Variants in DLGAP1 observed in about 807,000 individuals in gnomAD.
The protein encoded by DLGAP1 is disks large-associated protein 1.
DLGAP1 carries 11 observed loss-of-function variants against 90.8 expected under a neutral mutation model. The observed-to-expected ratio is 0.12, with a 90% CI of 0.08 to 0.20. The LOEUF (loss-of-function observed/expected upper bound fraction) is 0.20. Ranked by LOEUF, DLGAP1 falls within the 10% of genes least tolerant of loss-of-function variation. DLGAP1 has a pLI of 1.00. For missense variants in DLGAP1, 1,050 were observed against 1,333.8 expected (o/e 0.79, Z 3.31); for synonymous variants, 558 against 540.7 (o/e 1.03, Z -0.44).
Position 3,502,097 on chromosome 18 carries a change from T to C in DLGAP1, c.2724+396A>G, listed in dbSNP as rs7241397. On this transcript the variant is annotated intron_variant, in intron 12 of 12. Transcript: ENST00000315677. ...CAGTTATTTTTCAGGGCATCCTATT[T>C]TTCTTGAAAACACATCCTAGGGGTG... The C allele has an allele frequency of 2.4e-3, 2,371 of 990,302 alleles. 48 individuals are homozygous for C. The African/African-American group carries it at 0.038, about 16-fold the overall frequency. The allele number at this position is 990,302 out of a possible 1,614,324, so 61.3% of individuals were successfully genotyped here. A position where few individuals can be genotyped will look rare whatever the true frequency, so the allele number is the denominator to read the frequency against.
chr18:3,601,893 C>T (rs2057052472), intron 7 of DLGAP1, among the ~76,000 whole-genome samples: 1 of 149,396 alleles, frequency 6.7e-6, no homozygotes, highest in Non-Finnish European at 1.5e-5. Flanking sequence ...CCTGTAATCC[C>T]AGCTACTCAG....
At chr18:3,782,397 A>G (rs1461627571) in intron 5 of DLGAP1, among the ~76,000 whole-genome samples, 1 of 152,210 alleles carries the variant, frequency 6.6e-6, no homozygotes, top group Non-Finnish European at 1.5e-5. Flanking sequence ...TTGGCCTCCC[A>G]AAGTGTTGGG....
chr18:3,637,099 T>C (rs1599661092), intron 7 of DLGAP1, among the ~76,000 whole-genome samples: 2 of 152,080 alleles, frequency 1.3e-5, no homozygotes. Context: ...AACTGAACTA[T>C]CACAAAATGA....
intron 3 of DLGAP1, chr18:3,993,264 G>T (rs2074004372): frequency 6.6e-6 from 1 of 152,018 alleles, no homozygotes; most frequent in South Asian, 2.1e-4. Flanking sequence ...GGATAAGACA[G>T]GCTTCTTTTG....
chr18:4,006,470 GTTGT>G (rs1446427685), intron 2 of DLGAP1, among the ~76,000 whole-genome samples: 2 of 152,074 alleles, frequency 1.3e-5, no homozygotes, highest in Admixed American at 1.3e-4. Context: ...CGAGTATAAA[GTTGT>G]TTGTTTCTTG....
chr18:4,015,818 C>CAT (rs1168509738), intron 2 of DLGAP1, among the ~76,000 whole-genome samples: 1 of 152,174 alleles, frequency 6.6e-6, no homozygotes, highest in African/African-American at 2.4e-5. Flanking sequence ...TAACAAAAAT[C>CAT]ATACAATGAT....
intron 1 of DLGAP1, among the ~76,000 whole-genome samples, chr18:4,405,704 T>G (rs1598368083): frequency 6.6e-6 from 1 of 152,128 alleles, no homozygotes; most frequent in African/African-American, 2.4e-5. Flanking sequence ...ACTTATCTTG[T>G]GCGCTTAGAA....
Position 4,281,501 on chromosome 18 carries a change from C to T in DLGAP1, c.-266-130214G>A, listed in dbSNP as rs116010976. Among the ~76,000 whole-genome samples the T allele has an allele frequency of 5.4e-3, 824 of 152,228 alleles. 5 individuals carry two copies. Among genetic ancestry groups the T allele is most frequent in the African/African-American group, 0.018 (764 of 41,556 alleles). On this transcript the variant is annotated intron_variant, in intron 1 of 12. Transcript: ENST00000315677. ...CCCAGGAGGCAGAGGTTGCAGTGAA[C>T]GGAGATTGCGCTACTGCACTGCAAC...
chr18:3,598,978 T>G (rs1368854199), intron 7 of DLGAP1, among the ~76,000 whole-genome samples: 1 of 151,784 alleles, frequency 6.6e-6, no homozygotes, highest in Non-Finnish European at 1.5e-5. Flanking sequence ...TTCACCATGT[T>G]GGCCAGGCTG....
chr18:4,321,785 G>T (rs1011701466), intron 1 of DLGAP1, among the ~76,000 whole-genome samples: 3 of 152,202 alleles, frequency 2.0e-5, no homozygotes, highest in Non-Finnish European at 4.4e-5. Context: ...TGAGGCAGGA[G>T]AAGTAAATTA....
In DLGAP1 at chr18:4,212,309, C is replaced by T. The variant is rs115150208; in HGVS notation, c.-266-61022G>A. Among the ~76,000 whole-genome samples, 263 of 152,094 alleles carry T rather than the reference C, an allele frequency of 1.7e-3. 2 individuals carry two copies. The highest frequency in any genetic ancestry group is 6.2e-3 in the African/African-American group (257 of 41,470). ...AGTCCTTAAAACATACCATATATGTCGCTTATTCCCAAACTGACAGATTCT... is the reference window on the plus strand; with the variant it reads ...AGTCCTTAAAACATACCATATATGTTGCTTATTCCCAAACTGACAGATTCT... On this transcript the variant is annotated intron_variant, in intron 1 of 12. Coordinates refer to ENST00000315677, the MANE Select transcript of DLGAP1 (RefSeq NM_004746.4).
intron 2 of DLGAP1, among the ~76,000 whole-genome samples, chr18:4,034,867 C>CT (rs755459901): frequency 1.6e-4 from 24 of 151,908 alleles, no homozygotes; most frequent in Non-Finnish European, 2.5e-4. Flanking sequence ...ATTACAGACT[C>CT]TAACTACTTT....
chr18:3,665,171 A>G (rs781201178), intron 7 of DLGAP1, among the ~76,000 whole-genome samples: 6 of 152,190 alleles, frequency 3.9e-5, no homozygotes, highest in East Asian at 1.9e-4. Flanking sequence ...GAGCTCTCCT[A>G]AAAGTCTAAA....
At chr18:3,601,065 T>TATAGATAAATAG (rs1316678307) in intron 7 of DLGAP1, among the ~76,000 whole-genome samples, 1 of 148,024 alleles carries the variant, frequency 6.8e-6, no homozygotes, top group Non-Finnish European at 1.5e-5. Context: ...TATATAGATA[T>TATAGATAAATAG]ATAGATATAT....
At chr18:3,977,207 G>A (rs1410126579) in intron 3 of DLGAP1, among the ~76,000 whole-genome samples, 1 of 152,086 alleles carries the variant, frequency 6.6e-6, no homozygotes, top group Non-Finnish European at 1.5e-5. Flanking sequence ...AAGTAGCTGG[G>A]ACCACAGGCA....
intron 2 of DLGAP1, among the ~76,000 whole-genome samples, chr18:4,083,007 C>A (rs1218802854): frequency 6.6e-6 from 1 of 152,126 alleles, no homozygotes; most frequent in Non-Finnish European, 1.5e-5. Context: ...ATGTAGCTCC[C>A]TTCACTGCCA....
intron 7 of DLGAP1, among the ~76,000 whole-genome samples, chr18:3,687,789 T>C (rs1177624460): frequency 6.6e-6 from 1 of 152,082 alleles, no homozygotes; most frequent in East Asian, 1.9e-4. Flanking sequence ...GCAGTATGTA[T>C]ATAGAATGTA....
intron 1 of DLGAP1, among the ~76,000 whole-genome samples, chr18:4,237,228 C>T (rs1229593911): frequency 6.6e-6 from 1 of 152,176 alleles, no homozygotes; most frequent in Middle Eastern, 3.2e-3. Context: ...CAGGATACAC[C>T]TGTAGATCCT....
rs2144159119 is a variant in DLGAP1, at chr18:4,366,717, A to G, written c.-267+88289T>C. 2.6e-5 allele frequency among the ~76,000 whole-genome samples: 4 copies of G among 152,016 alleles called. No individual in the cohort carries two copies. The East Asian group carries it at 7.7e-4, about 29-fold the overall frequency. On this transcript the variant is annotated intron_variant, in intron 1 of 12. Coordinates refer to ENST00000315677, the MANE Select transcript of DLGAP1 (RefSeq NM_004746.4). The stretch of plus-strand genomic sequence containing the variant: ...TCCCAACGTCCATGGAAAAAAAAAA[A>G]TCTCACTATAGGTAAGAGCCTGTGG...
Sources: allele counts gnomAD v4.1 joint callset (sites outside exome capture counted in the v4.1 genomes callset), GRCh38; gene constraint gnomAD v4.1.1; transcripts MANE v1.5; gene names NCBI Gene and HGNC (gene_info 2026-07-23, HGNC 2026-07-21).